GPR143: variants seen among roughly 807,000 people sequenced by gnomAD.
The protein encoded by GPR143 is G-protein coupled receptor 143.
A neutral mutation model predicts 27.6 loss-of-function variants in GPR143; 8 were observed. The ratio of observed to expected loss-of-function variants is 0.29; its 90% CI spans 0.17 to 0.52. The LOEUF (loss-of-function observed/expected upper bound fraction) is 0.52, where lower values mean the gene tolerates loss of function less well. Ranked by LOEUF, GPR143 falls within the 20% of genes least tolerant of loss-of-function variation. The pLI, the probability that GPR143 is intolerant of heterozygous loss-of-function variation, is 0.96. For synonymous variants in GPR143, 156 were observed against 153.2 expected (o/e 1.02, Z -0.13); for missense variants, 303 against 343.1 (o/e 0.88, Z 0.92).
chrX:9,733,916 C>T (rs113267205), intron 8 of GPR143, among the ~76,000 whole-genome samples: 1,423 of 110,041 alleles, frequency 0.013, 33 homozygotes, highest in African/African-American at 0.043. Flanking sequence ...TCCGTCTCTA[C>T]TAAAAATACA....
chrX:9,739,066 A>C (rs2083390950), intron 8 of GPR143, among the ~76,000 whole-genome samples: 1 of 112,632 alleles, frequency 8.9e-6, no homozygotes, highest in African/African-American at 3.2e-5. Context: ...GAACTCCTTA[A>C]GCCATTTCCA....
chrX:9,730,954 T>C (rs1225974064), intron 8 of GPR143, among the ~76,000 whole-genome samples: 2 of 111,374 alleles, frequency 1.8e-5, no homozygotes, highest in Admixed American at 9.6e-5. Context: ...CCCCACTCTC[T>C]CCCACTCACT....
chrX:9,750,586 T>TG (rs760692151), intron 3 of GPR143, among the ~76,000 whole-genome samples: 242 of 109,903 alleles, frequency 2.2e-3, no homozygotes, highest in Non-Finnish European at 4.0e-3. Context: ...TTTTTCAAGA[T>TG]GGAGACTTGC....
intron 1 of GPR143, among the ~76,000 whole-genome samples, chrX:9,772,838 A>G (rs12860448): frequency 1.1e-5 from 1 of 88,366 alleles, no homozygotes; most frequent in African/African-American, 4.1e-5. Context: ...AAAAAAAAAG[A>G]CATTGATAAC....
chrX:9,745,635 G>A (rs188151058), intron 5 of GPR143, among the ~76,000 whole-genome samples: 1 of 111,925 alleles, frequency 8.9e-6, no homozygotes, highest in Non-Finnish European at 1.9e-5. Context: ...CTGCCCATCT[G>A]AGAAAAAACA....
At chrX:9,771,109 G>C (rs1445342135), upstream of GPR143, among the ~76,000 whole-genome samples, 1 of 111,707 alleles carries the variant, frequency 9.0e-6, no homozygotes, top group Middle Eastern at 4.2e-3. Context: ...TGGCCAACAT[G>C]AAGAAACCCC....
At chrX:9,760,934 G>C in intron 1 of GPR143, 108 bp from the exon 2 acceptor site, 1 of 476,151 alleles carries the variant, frequency 2.1e-6, no homozygotes. Flanking sequence ...TAGGAAGAGA[G>C]GAAGGAAGAA....
Position 9,764,504 on chromosome X carries a change from GCACACA to G in GPR143, c.250+1058_250+1063del, listed in dbSNP as rs201690882. ...ACAATAGAAAAGAATTTACACACGCGCACACACACACACACACACACACACACACAC... is the reference window on the plus strand; with the variant it reads ...ACAATAGAAAAGAATTTACACACGCGCACACACACACACACACACACACAC... On this transcript the variant is annotated intron_variant, in intron 1 of 8. Coordinates refer to ENST00000467482, the MANE Select transcript of GPR143 (RefSeq NM_000273.3). Among the ~76,000 whole-genome samples, 288 of 99,077 alleles carry G rather than the reference GCACACA, an allele frequency of 2.9e-3. 2 individuals carry two copies. Among genetic ancestry groups the G allele is most frequent in the South Asian group, 9.0e-3 (18 of 1,998 alleles). 86.0% of individuals were successfully genotyped at this position (99,077 alleles called of 115,157 possible). A position where few individuals can be genotyped will look rare whatever the true frequency, so the allele number is the denominator to read the frequency against.
intron 5 of GPR143, among the ~76,000 whole-genome samples, chrX:9,745,514 T>G (rs926332868): frequency 4.6e-4 from 51 of 111,990 alleles, no homozygotes; most frequent in East Asian, 5.7e-4. Context: ...ACTGCAGGTC[T>G]CCAGCCCCAG....
Position 9,729,088 on chromosome X carries a change from G to A in GPR143, c.1121-3248C>T, listed in dbSNP as rs1210703192. ...GATCCTGAGGAGAGTCTGGGTAGCC[G>A]ACAAGGATGGTGGAGAGGGTGGTTT... On this transcript the variant is annotated intron_variant, in intron 8 of 8. Transcript: ENST00000467482. Among the ~76,000 whole-genome samples the A allele has an allele frequency of 5.4e-5, 6 of 110,904 alleles. No homozygotes were observed. In the East Asian group the frequency reaches 8.5e-4, roughly 16 times the overall value.
chrX:9,745,290 G>C (rs1280756759), intron 5 of GPR143, among the ~76,000 whole-genome samples: 1 of 112,340 alleles, frequency 8.9e-6, no homozygotes, highest in Non-Finnish European at 1.9e-5. Context: ...GAAGAGAATG[G>C]TCCGAAGAAT....
At chrX:9,750,283 C>T (rs1031514536) in intron 3 of GPR143, among the ~76,000 whole-genome samples, 1 of 111,630 alleles carries the variant, frequency 9.0e-6, no homozygotes, top group Non-Finnish European at 1.9e-5. Context: ...AATCATAGTT[C>T]ACTGCAGCCT....
rs2083447888 is a variant in GPR143, at chrX:9,750,730, T to C, written c.456-2064A>G. 3.6e-5 allele frequency among the ~76,000 whole-genome samples: 4 copies of C among 111,449 alleles called. No individual in the cohort carries two copies. In the Admixed American group the frequency reaches 3.8e-4, roughly 11 times the overall value. ...AGGCGCCCACCACCAACCTGGCTAA[T>C]TTTTGTATTTTTAGTAGAGGCAGCA... On this transcript the variant is annotated intron_variant, in intron 3 of 8. Transcript: ENST00000467482.
intron 3 of GPR143, among the ~76,000 whole-genome samples, chrX:9,751,762 A>ATTTAAG (rs1258301763): frequency 8.9e-6 from 1 of 112,680 alleles, no homozygotes; most frequent in African/African-American, 3.2e-5. Flanking sequence ...AAGGGCAAAT[A>ATTTAAG]TTACAGTATT....
intron 6 of GPR143, among the ~76,000 whole-genome samples, chrX:9,741,900 A>G (rs1030970886): frequency 1.8e-5 from 2 of 111,096 alleles, no homozygotes; most frequent in African/African-American, 6.6e-5. Context: ...CTCAGAAAGA[A>G]AAAGAAAAGA....
intron 4 of GPR143, 122 bp from the exon 5 acceptor site, chrX:9,746,275 T>C: frequency 1.9e-6 from 1 of 515,984 alleles, no homozygotes; most frequent in Non-Finnish European, 3.5e-6. Flanking sequence ...AATCTGCTGC[T>C]GACTGCCCAA....
chrX:9,765,520 AC>A, intron 1 of GPR143, 47 bp downstream of exon 1: 1 of 1,052,413 alleles, frequency 9.5e-7, no homozygotes, highest in Admixed American at 3.4e-5. Context: ...ACGCGCCCTC[AC>A]CCAGGCGCTG....
At chrX:9,762,999 C>T (rs1393476662) in intron 1 of GPR143, among the ~76,000 whole-genome samples, 2 of 111,250 alleles carry the variant, frequency 1.8e-5, no homozygotes, top group Non-Finnish European at 3.8e-5. Context: ...GATCGTAGCT[C>T]ACTCTAGCCT....
intron 1 of GPR143, among the ~76,000 whole-genome samples, chrX:9,764,694 G>A (rs889921087): frequency 9.0e-6 from 1 of 111,202 alleles, no homozygotes; most frequent in Non-Finnish European, 1.9e-5. Flanking sequence ...AAAACCCAAC[G>A]TCCCTTGGAT....
Sources: gnomAD v4.1 joint callset for allele counts (sites outside exome capture counted in the v4.1 genomes callset) on GRCh38, gnomAD v4.1.1 for gene constraint, MANE v1.5 for transcripts, NCBI Gene and HGNC (gene_info 2026-07-23, HGNC 2026-07-21) for gene names.